CCDC150: variants seen among roughly 807,000 people sequenced by gnomAD.
CCDC150 encodes the protein coiled-coil domain-containing protein 150.
A neutral mutation model predicts 156.5 loss-of-function variants in CCDC150; 151 were observed. The ratio of observed to expected loss-of-function variants is 0.97; its 90% CI spans 0.85 to 1.10. CCDC150 has a LOEUF of 1.10. Among genes scored for constraint, CCDC150 ranks in the 50% least tolerant of loss-of-function variants. The probability of loss-of-function intolerance (pLI) is 0.00; values close to 1 mark genes in which losing one functional copy is unlikely to be tolerated. For synonymous variants in CCDC150, 452 were observed against 429.4 expected, an observed-to-expected ratio of 1.05 and a Z score of -0.65; for missense variants, 1,312 against 1,268.1, an observed-to-expected ratio of 1.03 and a Z score of -0.53.
intron 1 of CCDC150, among the ~76,000 whole-genome samples, chr2:196,640,266 C>T (rs1256113995): frequency 2.0e-5 from 3 of 152,148 alleles, no homozygotes; most frequent in Non-Finnish European, 4.4e-5. Context: ...TGTTTATTTA[C>T]CACCTATAAT....
At chr2:196,675,753 A>G (rs1248346129) in intron 10 of CCDC150, among the ~76,000 whole-genome samples, 1 of 152,186 alleles carries the variant, frequency 6.6e-6, no homozygotes, top group Non-Finnish European at 1.5e-5. Context: ...AGAGGAAAGG[A>G]TCTTTTCACT....
chr2:196,660,763 A>G (rs57703734), intron 5 of CCDC150, among the ~76,000 whole-genome samples: 2,107 of 152,274 alleles, frequency 0.014, 44 homozygotes, highest in East Asian at 0.13. Context: ...TTATCTTTTT[A>G]TGCTCTTAGC....
intron 14 of CCDC150, among the ~76,000 whole-genome samples, chr2:196,696,127 C>T (rs1695811454): frequency 1.3e-5 from 2 of 152,110 alleles, no homozygotes; most frequent in Admixed American, 1.3e-4. Context: ...TTGGCTGTGA[C>T]CTCGGGTATG....
At chr2:196,688,522 T>C (rs939660831) in intron 13 of CCDC150, among the ~76,000 whole-genome samples, 2 of 152,196 alleles carry the variant, frequency 1.3e-5, no homozygotes, top group Admixed American at 6.5e-5. Flanking sequence ...TTTTGAGATA[T>C]AGGATCGCAT....
At chr2:196,694,057 T>C (rs914190309) in intron 13 of CCDC150, among the ~76,000 whole-genome samples, 6 of 148,008 alleles carry the variant, frequency 4.1e-5, no homozygotes, top group Admixed American at 3.4e-4. Flanking sequence ...GGAAGATTTT[T>C]TTTTTTTTTT....
intron 17 of CCDC150, among the ~76,000 whole-genome samples, chr2:196,716,846 CTTTTTTT>C (rs775962426): frequency 2.4e-4 from 18 of 74,366 alleles, no homozygotes; most frequent in East Asian, 1.3e-3. Context: ...AAATAACATT[CTTTTTTT>C]TTTTTTTTTT....
intron 5 of CCDC150, among the ~76,000 whole-genome samples, chr2:196,660,700 A>G (rs1376199958): frequency 6.6e-6 from 1 of 152,124 alleles, no homozygotes; most frequent in East Asian, 1.9e-4. Flanking sequence ...TATTTTGGAT[A>G]CCAGTCCTTT....
chr2:196,679,300 G>A (rs1219756483), intron 13 of CCDC150, among the ~76,000 whole-genome samples: 1 of 151,994 alleles, frequency 6.6e-6, no homozygotes, highest in Non-Finnish European at 1.5e-5. Flanking sequence ...AAGTTCCCTT[G>A]TGCCCTTTTG....
Position 196,656,937 on chromosome 2 carries a change from C to G in CCDC150, c.398-21C>G, listed in dbSNP as rs368558740. ...TGACCTTCTTTCTGCTGCTTGATGC[C>G]CCTCCTGTGCGGTCTGGTAGCTTTT... On this transcript the variant is annotated intron_variant, in intron 3 of 27. Transcript: ENST00000389175. The G allele has an allele frequency of 9.3e-6, 15 of 1,611,980 alleles. No individual in the cohort carries two copies. The African/African-American group carries it at 9.4e-5, about 10-fold the overall frequency.
intron 1 of CCDC150, among the ~76,000 whole-genome samples, chr2:196,643,436 G>A (rs1692355572): frequency 6.6e-6 from 1 of 152,180 alleles, no homozygotes; most frequent in South Asian, 2.1e-4. Context: ...AACAAGTGAA[G>A]CAATTTAAAT....
At chr2:196,709,973 C>T (rs529820589) in intron 15 of CCDC150, among the ~76,000 whole-genome samples, 37 of 152,272 alleles carry the variant, frequency 2.4e-4, no homozygotes, top group African/African-American at 8.7e-4. Context: ...GGTCAGGGAC[C>T]CACTTGAGGA....
At chr2:196,717,032 T>TTTTTTA (rs1412472432) in intron 17 of CCDC150, among the ~76,000 whole-genome samples, 1 of 150,878 alleles carries the variant, frequency 6.6e-6, no homozygotes, top group Non-Finnish European at 1.5e-5. Flanking sequence ...AGCTAATTTA[T>TTTTTTA]TTTTTATTTT....
At position 196,669,881 on chromosome 2, in the gene CCDC150, GTT is replaced by G. The variant is rs749253835; in HGVS notation, c.936+8_936+9del. On this transcript the variant is annotated splice_donor_region_variant and intron_variant, in intron 8 of 27. Transcript: ENST00000389175. ...AAGTTGGTTGAAGAAAATAAGGTGAGTTTTGAAGTTGTGGAGTACAGAGGTGG... is the reference window on the plus strand; with the variant it reads ...AAGTTGGTTGAAGAAAATAAGGTGAGTTGAAGTTGTGGAGTACAGAGGTGG... 6 of 1,609,802 alleles carry G rather than the reference GTT, an allele frequency of 3.7e-6. No individual in the cohort carries two copies. In the South Asian group the frequency reaches 6.6e-5, roughly 18 times the overall value.
intron 10 of CCDC150, among the ~76,000 whole-genome samples, chr2:196,675,188 A>G (rs568162910): frequency 1.3e-5 from 2 of 152,212 alleles, no homozygotes; most frequent in South Asian, 2.1e-4. Flanking sequence ...ATTACCTTAT[A>G]TATCTTTATT....
In CCDC150 at chr2:196,657,055, A is replaced by G. The variant is rs780675493; in HGVS notation, c.495A>G (p.Arg165=). Residue 165 remains arginine, a synonymous_variant, in exon 4 of 28, where the codon AGA becomes AGG. Transcript: ENST00000389175. The stretch of plus-strand genomic sequence containing the variant: ...TTATGAATTTGCGCCAGCAACTGAG[A>G]GCTGTAAAAGAGGAAGAAGACAAGG... The part of the protein sequence containing the change: ...LEVMNLRQQL[R]AVKEEEDKAQ... 15 of 1,613,732 alleles carry G rather than the reference A, an allele frequency of 9.3e-6. No individual in the cohort carries two copies. The highest frequency in any genetic ancestry group is 1.3e-5 in the African/African-American group (1 of 74,918).
intron 5 of CCDC150, among the ~76,000 whole-genome samples, chr2:196,661,273 G>A (rs1222245712): frequency 6.6e-6 from 1 of 152,132 alleles, no homozygotes; most frequent in Non-Finnish European, 1.5e-5. Flanking sequence ...AAGACTTGGT[G>A]GTATAAACAG....
chr2:196,711,818 T>C (rs573144507), intron 15 of CCDC150, among the ~76,000 whole-genome samples: 7 of 152,240 alleles, frequency 4.6e-5, no homozygotes, highest in Admixed American at 3.9e-4. Context: ...AATTCAAATA[T>C]ATTAGCCACA....
At chr2:196,705,656 G>A (rs965884415) in intron 15 of CCDC150, among the ~76,000 whole-genome samples, 8 of 152,108 alleles carry the variant, frequency 5.3e-5, no homozygotes, top group African/African-American at 1.9e-4. Flanking sequence ...TATTGCTTAG[G>A]TTTTCTTCTA....
chr2:196,703,325 A>G (rs1462384180), intron 15 of CCDC150, among the ~76,000 whole-genome samples: 1 of 152,234 alleles, frequency 6.6e-6, no homozygotes, highest in African/African-American at 2.4e-5. Flanking sequence ...TTGCGGAACA[A>G]TACATTACTA....
Sources: allele counts gnomAD v4.1 joint callset (sites outside exome capture counted in the v4.1 genomes callset), GRCh38; gene constraint gnomAD v4.1.1; transcripts MANE v1.5; gene names NCBI Gene and HGNC (gene_info 2026-07-23, HGNC 2026-07-21).